Variants in ARR3 observed in about 807,000 individuals in gnomAD.
ARR3 encodes arrestin-C.
In ARR3, 14 loss-of-function variants were observed where a neutral mutation model predicts 35.4. The observed-to-expected ratio is 0.40, with a 90% CI of 0.26 to 0.62. The LOEUF (loss-of-function observed/expected upper bound fraction) is 0.62, where lower values mean the gene tolerates loss of function less well. Ranked by LOEUF, ARR3 falls within the 20% of genes least tolerant of loss-of-function variation. The pLI is 0.46. For synonymous variants in ARR3, 97 were observed against 119.1 expected (o/e 0.81, Z 1.21); for missense variants, 259 against 303.8 (o/e 0.85, Z 1.10).
In ARR3 at chrX:70,276,071, T is replaced by C. The variant is rs772038886; in HGVS notation, c.146-11T>C. ...GCCTGACAGACCACTCTCTTCCTCC[T>C]ATGCCTGCAGTGTTTGTCATGTTGA... On this transcript the variant is annotated splice_polypyrimidine_tract_variant and intron_variant, in intron 5 of 16. Coordinates refer to ENST00000307959, the MANE Select transcript of ARR3 (RefSeq NM_004312.3). 3.3e-5 allele frequency: 40 copies of C among 1,209,084 alleles called. No homozygotes were observed. In the Admixed American group the frequency reaches 8.7e-4, roughly 26 times the overall value.
rs1569221778 is a variant in ARR3, at chrX:70,277,544, CT to C, written c.609+20del. On this transcript the variant is annotated intron_variant, in intron 9 of 16. Coordinates refer to ENST00000307959, the MANE Select transcript of ARR3 (RefSeq NM_004312.3). The stretch of plus-strand genomic sequence containing the variant: ...TGGACAGGGAGGTTTGTGACCCCCA[CT>C]TTTTGCCTCCCACCCCAGAACCCCT... 1 of 1,205,558 alleles carries C rather than the reference CT, an allele frequency of 8.3e-7. No individual in the cohort carries two copies. Among genetic ancestry groups the C allele is most frequent in the Admixed American group, 2.2e-5 (1 of 45,413 alleles).
intron 7 of ARR3, 63 bp downstream of exon 7, chrX:70,276,555 T>TAC: frequency 8.5e-7 from 1 of 1,179,788 alleles, no homozygotes; most frequent in Non-Finnish European, 1.2e-6. Context: ...AGTGGGACAG[T>TAC]CAAGACTGGA....
At chrX:70,269,748 C>T (rs1231861422) in intron 3 of ARR3, 56 bp downstream of exon 3, 3 of 1,191,152 alleles carry the variant, frequency 2.5e-6, no homozygotes, top group Admixed American at 2.3e-5. Context: ...TAGGTGGGTA[C>T]ATCCTTCAAG....
intron 12 of ARR3, 138 bp from the exon 13 acceptor site, chrX:70,280,057 G>T: frequency 1.8e-6 from 1 of 546,931 alleles, no homozygotes; most frequent in Non-Finnish European, 3.0e-6. Flanking sequence ...GGTAGGAAAG[G>T]TTAGAGCCTG....
In ARR3 at chrX:70,278,437, C is replaced by T. The variant is rs1602723697; in HGVS notation, c.768-67C>T. 3 of 1,138,443 alleles carry T rather than the reference C, an allele frequency of 2.6e-6. No individual in the cohort carries two copies. The East Asian group carries it at 9.0e-5, about 34-fold the overall frequency. 93.8% of individuals were successfully genotyped at this position (1,138,443 alleles called of 1,213,427 possible). A position where few individuals can be genotyped will look rare whatever the true frequency, so the allele number is the denominator to read the frequency against. On this transcript the variant is annotated intron_variant, in intron 11 of 16. Coordinates refer to ENST00000307959, the MANE Select transcript of ARR3 (RefSeq NM_004312.3). ...CTTGTATAATCTTGTACAAGATACT[C>T]TTGGGAGTAAAAGTATGCTTAGTCA...
At chrX:70,280,406 A>G in intron 13 of ARR3, 128 bp downstream of exon 13, 1 of 965,122 alleles carries the variant, frequency 1.0e-6, no homozygotes, top group Non-Finnish European at 1.4e-6. Flanking sequence ...CCAGGTTCCC[A>G]AACCTGTGAG....
At position 70,277,400 on chromosome X, in the gene ARR3, T is replaced by C. The variant is rs767187101; in HGVS notation, c.480T>C (p.Tyr160=). The change falls in exon 9 of 17, where the codon TAT becomes TAC. Residue 160 remains tyrosine (Y), a synonymous_variant. Transcript: ENST00000307959. ...TCTCTTGGTCTCTGCTCAGAGACTA[T>C]GTGCGGCTGGTTGTCCGGAAAGTAC... ...NPEETVSKRD[Y]VRLVVRKVQF... is the part of the protein sequence containing the mutation. 5 of 1,211,144 alleles carry C rather than the reference T, an allele frequency of 4.1e-6. No individual in the cohort carries two copies. Among genetic ancestry groups the C allele is most frequent in the East Asian group, 3.0e-5 (1 of 33,841 alleles).
intron 5 of ARR3, among the ~76,000 whole-genome samples, chrX:70,272,111 C>CTCATTCCTCATCTTTT (rs1307497098): frequency 1.8e-5 from 2 of 108,566 alleles, no homozygotes; most frequent in African/African-American, 6.7e-5. Flanking sequence ...TTTTTTCTGT[C>CTCATTCCTCATCTTTT]TCATTCCTCA....
Position 70,280,829 on chromosome X carries a change from A to G in ARR3, c.1066+11A>G, listed in dbSNP as rs2085678291. On this transcript the variant is annotated intron_variant, in intron 15 of 16. Transcript: ENST00000307959. The stretch of plus-strand genomic sequence containing the variant: ...CGAAGCCATCTCATGGTGAGTGACC[A>G]GGTGGAACTCACAGGGACGGCTGTC... The G allele has an allele frequency of 8.3e-7, 1 of 1,210,751 alleles. No individual in the cohort carries two copies. Among genetic ancestry groups the G allele is most frequent in the East Asian group, 3.0e-5 (1 of 33,816 alleles).
chrX:70,274,355 C>T (rs1442791330), intron 5 of ARR3, among the ~76,000 whole-genome samples: 1 of 110,455 alleles, frequency 9.1e-6, no homozygotes, highest in African/African-American at 3.3e-5. Flanking sequence ...GTGTATGCCA[C>T]CATGCCCAGC....
intron 16 of ARR3, 22 bp from the exon 17 acceptor site, chrX:70,281,654 T>C (rs762686297): frequency 2.6e-6 from 3 of 1,158,728 alleles, no homozygotes; most frequent in South Asian, 1.9e-5. Context: ...AACCTTCCAT[T>C]CTCTTCTGCT....
chrX:70,278,032 G>C (rs764205444), intron 10 of ARR3, 34 bp from the exon 11 acceptor site: 4 of 1,193,908 alleles, frequency 3.4e-6, no homozygotes, highest in Non-Finnish European at 4.5e-6. Flanking sequence ...ATGACTGACT[G>C]ATTATAATCA....
rs771114233 is a variant in ARR3, at chrX:70,278,587, T to C, written c.851T>C (p.Leu284Pro). The change falls in exon 12 of 17, where the codon CTG (leucine) becomes CCG (proline). Residue 284 changes from leucine (L) to proline (P), a missense_variant. Leu to Pro is a moderately conservative substitution (Grantham distance 98). Transcript: ENST00000307959. Reference protein sequence around the residue: ...ILAASCQKRGLALDGKLKHED... With the variant: ...ILAASCQKRGPALDGKLKHED... ...GCTGCCAGCTGCCAGAAACGGGGCC[T>C]GGCACTGGATGGCAAACTTAAGCAT... 9 of 1,210,191 alleles carry C rather than the reference T, an allele frequency of 7.4e-6. No homozygotes were observed. In the African/African-American group the frequency reaches 1.4e-4, roughly 19 times the overall value.
In ARR3 at chrX:70,278,047, C is replaced by T. The variant is rs1569222012; in HGVS notation, c.695-19C>T. 4 of 1,203,029 alleles carry T rather than the reference C, an allele frequency of 3.3e-6. No homozygotes were observed. The highest frequency in any genetic ancestry group is 2.3e-4 in the Middle Eastern group (1 of 4,339). ...ATGACTGACTGATTATAATCATGTGCTTTTCCTGGCTTGTTCAGTTGACCA... is the reference window on the plus strand; with the variant it reads ...ATGACTGACTGATTATAATCATGTGTTTTTCCTGGCTTGTTCAGTTGACCA... On this transcript the variant is annotated intron_variant, in intron 10 of 16. Transcript: ENST00000307959.
At position 70,280,261 on chromosome X, in the gene ARR3, G is replaced by C. The variant is rs763437937; in HGVS notation, c.972G>C (p.Leu324=). 88 of 1,209,121 alleles carry C rather than the reference G, an allele frequency of 7.3e-5. No homozygotes were observed. The South Asian group carries it at 1.4e-3, about 19-fold the overall frequency. Residue 324 remains leucine (L), a synonymous_variant, in exon 13 of 17, where the codon CTG becomes CTC. Coordinates refer to ENST00000307959, the MANE Select transcript of ARR3 (RefSeq NM_004312.3). ...TGTCCTACAAAGTCAGAGTCAACCTGATGGTGTCCTGTGGTGGGTAAGTGA... is the reference window on the plus strand; with the variant it reads ...TGTCCTACAAAGTCAGAGTCAACCTCATGGTGTCCTGTGGTGGGTAAGTGA... ...ILVSYKVRVN[L]MVSCGGILGD... is the part of the protein sequence containing the mutation.
At chrX:70,272,356 T>C (rs1301159588) in intron 5 of ARR3, among the ~76,000 whole-genome samples, 3 of 112,155 alleles carry the variant, frequency 2.7e-5, no homozygotes, top group African/African-American at 9.7e-5. Flanking sequence ...AAGGAGAGAC[T>C]GTGTAACCTT....
intron 11 of ARR3, 79 bp downstream of exon 11, chrX:70,278,217 T>C: frequency 2.3e-6 from 2 of 869,042 alleles, no homozygotes; most frequent in Non-Finnish European, 3.3e-6. Context: ...GTTGAGGGGG[T>C]AGAGTGGGGG....
At chrX:70,274,297 G>A (rs1446745818) in intron 5 of ARR3, among the ~76,000 whole-genome samples, 1 of 107,234 alleles carries the variant, frequency 9.3e-6, no homozygotes, top group Non-Finnish European at 1.9e-5. Flanking sequence ...CGCCTCCCGA[G>A]TTCAAGCGAT....
At position 70,275,853 on chromosome X, in the gene ARR3, T is replaced by A. The variant is rs2085650143; in HGVS notation, c.146-229T>A. ...AAGCCAGGCTAATACTTTGTATTTT[T>A]TTTTTAGTAGAGATGGGGTTTCACT... On this transcript the variant is annotated intron_variant, in intron 5 of 16. Coordinates refer to ENST00000307959, the MANE Select transcript of ARR3 (RefSeq NM_004312.3). Among the ~76,000 whole-genome samples the A allele has an allele frequency of 4.6e-5, 5 of 108,193 alleles. No homozygotes were observed. The Admixed American group carries it at 4.9e-4, about 11-fold the overall frequency. The allele number at this position is 108,193 out of a possible 115,157, so 94.0% of individuals were successfully genotyped here. A position where few individuals can be genotyped will look rare whatever the true frequency, so the allele number is the denominator to read the frequency against.
Sources: gnomAD v4.1 joint callset for allele counts (sites outside exome capture counted in the v4.1 genomes callset) on GRCh38, gnomAD v4.1.1 for gene constraint, MANE v1.5 for transcripts, NCBI Gene and HGNC (gene_info 2026-07-23, HGNC 2026-07-21) for gene names.